Variants in CHCHD3 observed in about 807,000 individuals in gnomAD.
CHCHD3 encodes coiled-coil-helix-coiled-coil-helix domain containing 3, also known as MICOS complex subunit MIC19.
In CHCHD3, 20 loss-of-function variants were observed where a neutral mutation model predicts 38.2. The observed-to-expected ratio is 0.52, with a 90% CI of 0.37 to 0.76. The LOEUF is 0.76. CHCHD3 is among the 30% of genes least tolerant of loss of function. CHCHD3 has a pLI of 0.00. For missense variants in CHCHD3, 245 were observed against 279.2 expected, an observed-to-expected ratio of 0.88 and a Z score of 0.87; for synonymous variants, 82 against 100.0, an observed-to-expected ratio of 0.82 and a Z score of 1.07.
At chr7:132,971,864 G>A (rs1811621105) in intron 4 of CHCHD3, among the ~76,000 whole-genome samples, 2 of 152,304 alleles carry the variant, frequency 1.3e-5, no homozygotes, top group South Asian at 4.1e-4. Flanking sequence ...GGCAGCAATA[G>A]GGGCCCTCCA....
intron 5 of CHCHD3, among the ~76,000 whole-genome samples, chr7:132,857,718 A>G (rs1313735596): frequency 6.6e-6 from 1 of 152,024 alleles, no homozygotes; most frequent in Non-Finnish European, 1.5e-5. Flanking sequence ...TAGGCAGCCT[A>G]TTTTAGAGCT....
At chr7:133,030,284 C>T (rs1341211408) in intron 2 of CHCHD3, among the ~76,000 whole-genome samples, 1 of 152,084 alleles carries the variant, frequency 6.6e-6, no homozygotes, top group Non-Finnish European at 1.5e-5. Context: ...AGGTCTGACC[C>T]AAAGTGCATG....
intron 6 of CHCHD3, among the ~76,000 whole-genome samples, chr7:132,822,855 A>C (rs143218593): frequency 6.8e-6 from 1 of 146,254 alleles, no homozygotes; most frequent in African/African-American, 2.6e-5. Context: ...CAAAACAAAA[A>C]ACCAAAACCA....
chr7:132,921,793 C>T (rs1014272969), intron 4 of CHCHD3, among the ~76,000 whole-genome samples: 12 of 152,322 alleles, frequency 7.9e-5, no homozygotes, highest in Non-Finnish European at 1.3e-4. Context: ...CTTATCACCA[C>T]GTCTCAGAGG....
intron 3 of CHCHD3, among the ~76,000 whole-genome samples, chr7:133,021,024 T>A (rs1377877935): frequency 1.3e-5 from 2 of 152,080 alleles, no homozygotes; most frequent in Non-Finnish European, 2.9e-5. Context: ...TTAAACAGCA[T>A]CCCTGGCCTC....
chr7:132,906,903 C>G lies in CHCHD3; in HGVS notation c.370-21158G>C, dbSNP rs1467552939. The stretch of plus-strand genomic sequence containing the variant: ...TTTGCAATTTGGTGGGTAGAATGGC[C>G]AGGACACCAACTTACTCAGCTCTAA... On this transcript the variant is annotated intron_variant, in intron 4 of 7. Coordinates refer to ENST00000262570, the MANE Select transcript of CHCHD3 (RefSeq NM_017812.4). Among the ~76,000 whole-genome samples, 7 of 152,208 alleles carry G rather than the reference C, an allele frequency of 4.6e-5. No homozygotes were observed. In the South Asian group the frequency reaches 1.5e-3, roughly 32 times the overall value.
At chr7:132,952,999 C>CTCACT (rs1481820025) in intron 4 of CHCHD3, among the ~76,000 whole-genome samples, 1 of 152,108 alleles carries the variant, frequency 6.6e-6, no homozygotes, top group East Asian at 1.9e-4. Flanking sequence ...TATTCAATAC[C>CTCACT]TCACTTCATT....
chr7:132,995,038 G>A (rs1421307), intron 3 of CHCHD3, among the ~76,000 whole-genome samples: 107,933 of 152,034 alleles, frequency 0.71, 38,466 homozygotes, highest in African/African-American at 0.75. Context: ...CACTAAAAAA[G>A]TTCAAAAACA....
chr7:132,958,426 G>A (rs1811232837), intron 4 of CHCHD3, among the ~76,000 whole-genome samples: 1 of 151,786 alleles, frequency 6.6e-6, no homozygotes, highest in African/African-American at 2.4e-5. Context: ...AAAAATAGAA[G>A]TATGAGAAAA....
chr7:133,072,402 C>T (rs1814849899), intron 1 of CHCHD3, among the ~76,000 whole-genome samples: 1 of 152,108 alleles, frequency 6.6e-6, no homozygotes. Context: ...TTTACTCCTT[C>T]ACAGGCCTAT....
chr7:132,931,659 A>T (rs956651014), intron 4 of CHCHD3, among the ~76,000 whole-genome samples: 1 of 152,238 alleles, frequency 6.6e-6, no homozygotes, highest in Non-Finnish European at 1.5e-5. Context: ...ATGCTAAGTT[A>T]CATCTTCAAT....
chr7:133,012,702 T>TA (rs1293967331), intron 3 of CHCHD3, among the ~76,000 whole-genome samples: 2 of 149,508 alleles, frequency 1.3e-5, no homozygotes, highest in Non-Finnish European at 3.0e-5. Flanking sequence ...AGACAGAGGG[T>TA]GCAATGGGCT....
At position 132,848,286 on chromosome 7, in the gene CHCHD3, T is replaced by C. The variant is rs149683837; in HGVS notation, c.454-9817A>G. 3.0e-3 allele frequency among the ~76,000 whole-genome samples: 453 copies of C among 152,308 alleles called. 1 individual carries two copies. Among genetic ancestry groups the C allele is most frequent in the African/African-American group, 0.01 (434 of 41,560 alleles). On this transcript the variant is annotated intron_variant, in intron 5 of 7. Transcript: ENST00000262570. ...CAGTTCCCATTGTTGAGTAGCCAGA[T>C]TCAAAAGTCTTAATTATAGTTTTTG...
intron 4 of CHCHD3, among the ~76,000 whole-genome samples, chr7:132,904,546 A>G (rs1008341291): frequency 4.6e-5 from 7 of 152,212 alleles, no homozygotes; most frequent in Non-Finnish European, 8.8e-5. Context: ...ATGAGATACC[A>G]TCTCACACCA....
At chr7:132,973,506 T>C in intron 4 of CHCHD3, 1 of 985,508 alleles carries the variant, frequency 1.0e-6, no homozygotes, top group African/African-American at 1.7e-5. Context: ...CCTTTCACAA[T>C]GACTGACTTT....
intron 5 of CHCHD3, among the ~76,000 whole-genome samples, chr7:132,849,997 TGA>T (rs1366495186): frequency 2.6e-5 from 4 of 152,196 alleles, no homozygotes; most frequent in African/African-American, 7.2e-5. Context: ...ATAGACAGGG[TGA>T]AAGTAATCAG....
chr7:132,984,937 G>T (rs1168105458), intron 3 of CHCHD3, among the ~76,000 whole-genome samples: 1 of 75,296 alleles, frequency 1.3e-5, no homozygotes, highest in African/African-American at 4.9e-5. Context: ...CGCCCCGTCC[G>T]GGAGGTGAGG....
chr7:132,956,424 C>T (rs1811168915), intron 4 of CHCHD3, among the ~76,000 whole-genome samples: 1 of 152,142 alleles, frequency 6.6e-6, no homozygotes, highest in South Asian at 2.1e-4. Context: ...AAGTCAAATA[C>T]ATACACAAAC....
chr7:132,951,010 G>A (rs891695566), intron 4 of CHCHD3, among the ~76,000 whole-genome samples: 6 of 152,264 alleles, frequency 3.9e-5, no homozygotes, highest in East Asian at 3.9e-4. Context: ...AAAGTACTCC[G>A]GACCTGCTCA....
Sources: allele counts gnomAD v4.1 joint callset (sites outside exome capture counted in the v4.1 genomes callset), GRCh38; gene constraint gnomAD v4.1.1; transcripts MANE v1.5; gene names NCBI Gene and HGNC (gene_info 2026-07-23, HGNC 2026-07-21).